The following SLC23A2 variants were observed in gnomAD, a reference collection of about 807,000 sequenced individuals.
SLC23A2 encodes the protein solute carrier family 23 member 2.
SLC23A2 carries 36 observed loss-of-function variants against 73.3 expected under a neutral mutation model. The observed-to-expected ratio is 0.49, with a 90% CI of 0.38 to 0.65. The LOEUF (loss-of-function observed/expected upper bound fraction) is 0.65. SLC23A2 is among the 30% of genes least tolerant of loss of function. The probability of loss-of-function intolerance (pLI) is 0.00; values close to 1 mark genes in which losing one functional copy is unlikely to be tolerated. For synonymous variants in SLC23A2, 343 were observed against 327.3 expected (o/e 1.05, Z -0.52); for missense variants, 507 against 841.6 (o/e 0.60, Z 4.92).
At chr20:4,995,751 G>T (rs6139605) in intron 1 of SLC23A2, among the ~76,000 whole-genome samples, 1 of 152,116 alleles carries the variant, frequency 6.6e-6, no homozygotes, top group Non-Finnish European at 1.5e-5. Context: ...TAAGACCCTA[G>T]GCAAGAAGCT....
rs1265127214 is a variant in SLC23A2 at position 4,882,016 on chromosome 20, T to C, written c.824+1626A>G. The stretch of plus-strand genomic sequence containing the variant: ...ATTTCGCTGAAAGACTATTCTCACA[T>C]GCCATCTTCCCATCTCTGCTGGTGT... On this transcript the variant is annotated intron_variant, in intron 9 of 16. Transcript: ENST00000338244. Among the ~76,000 whole-genome samples the C allele has an allele frequency of 3.3e-5, 5 of 152,200 alleles. No individual in the cohort carries two copies. In the East Asian group the frequency reaches 9.6e-4, roughly 29 times the overall value.
intron 3 of SLC23A2, among the ~76,000 whole-genome samples, chr20:4,928,433 C>T (rs184693990): frequency 3.4e-4 from 52 of 152,224 alleles, no homozygotes; most frequent in African/African-American, 1.2e-3. Context: ...GTTTTGTTTT[C>T]GTGTTTTCCT....
intron 1 of SLC23A2, among the ~76,000 whole-genome samples, chr20:5,006,976 T>TGTGTGTGTGC (rs1282952601): frequency 7.1e-6 from 1 of 139,940 alleles, no homozygotes; most frequent in African/African-American, 2.6e-5. Flanking sequence ...TGTGTGTGTG[T>TGTGTGTGTGC]GCGTGCGTGC....
chr20:4,936,969 G>T (rs575400293), intron 2 of SLC23A2, among the ~76,000 whole-genome samples: 1 of 152,166 alleles, frequency 6.6e-6, no homozygotes, highest in African/African-American at 2.4e-5. Flanking sequence ...GGCTCAGGAA[G>T]AGGGGAGCAC....
chr20:4,862,535 T>C lies in SLC23A2; in HGVS notation c.1486+243A>G, dbSNP rs1930009470. On this transcript the variant is annotated intron_variant, in intron 14 of 16. Transcript: ENST00000338244. This position sits in a 1 kb window ranked among gnomAD's most constrained non-coding sequence, Gnocchi z 5.1. ...GTATTTGAGTTAAATTGGTCAGAAA[T>C]ACTAAAGAGATTAAATTTAATTGAA... Among the ~76,000 whole-genome samples, 1 of 152,190 alleles carries C rather than the reference T, an allele frequency of 6.6e-6. No individual in the cohort carries two copies. Among genetic ancestry groups the C allele is most frequent in the Non-Finnish European group, 1.5e-5 (1 of 68,018 alleles).
intron 6 of SLC23A2, among the ~76,000 whole-genome samples, chr20:4,889,225 C>T (rs544139401): frequency 5.3e-5 from 8 of 152,194 alleles, no homozygotes; most frequent in East Asian, 3.9e-4. Flanking sequence ...AGAAGTGCTT[C>T]GCCACGTGTG....
At position 4,988,093 on chromosome 20, in the gene SLC23A2, G is replaced by A. The variant is rs11908556; in HGVS notation, c.-282+13313C>T. On this transcript the variant is annotated intron_variant, in intron 1 of 16. Coordinates refer to ENST00000338244, the MANE Select transcript of SLC23A2 (RefSeq NM_005116.6). ...GCAGACGGATCACTCAAGGTCAGCA[G>A]TTCAAAACAAGCCTGGCCAACATGG... Among the ~76,000 whole-genome samples, 773 of 151,626 alleles carry A rather than the reference G, an allele frequency of 5.1e-3. 8 individuals carry two copies. The highest frequency in any genetic ancestry group is 0.018 in the African/African-American group (740 of 41,316).
At position 4,892,414 on chromosome 20, in the gene SLC23A2, T is replaced by A. The variant is rs1028630276; in HGVS notation, c.483-6505A>T. Among the ~76,000 whole-genome samples the A allele has an allele frequency of 4.6e-5, 7 of 151,638 alleles. No individual in the cohort carries two copies. In the South Asian group the frequency reaches 8.4e-4, roughly 18 times the overall value. On this transcript the variant is annotated intron_variant, in intron 6 of 16. Transcript: ENST00000338244. ...GTTGGCCAAGCTGATCTCCAACTCCTGACCTCAGGTGATCCGCCCGCCTCA... is the reference window on the plus strand; with the variant it reads ...GTTGGCCAAGCTGATCTCCAACTCCAGACCTCAGGTGATCCGCCCGCCTCA...
At chr20:4,897,319 G>A (rs1024196311) in intron 6 of SLC23A2, among the ~76,000 whole-genome samples, 1 of 152,218 alleles carries the variant, frequency 6.6e-6, no homozygotes, top group African/African-American at 2.4e-5. Context: ...CGTGATTAGA[G>A]TCAGCACCAC....
chr20:4,886,267 A>C (rs997955399), intron 6 of SLC23A2, among the ~76,000 whole-genome samples: 1 of 152,168 alleles, frequency 6.6e-6, no homozygotes, highest in African/African-American at 2.4e-5. Context: ...CTCCTTTTTA[A>C]ACATCAGTGT....
At chr20:4,959,810 G>T (rs908889111) in intron 2 of SLC23A2, among the ~76,000 whole-genome samples, 3 of 152,002 alleles carry the variant, frequency 2.0e-5, no homozygotes, top group Admixed American at 6.6e-5. Flanking sequence ...TAGACACAGG[G>T]TCTCTCTCTG....
At chr20:4,875,088 C>T (rs1197517055) in intron 9 of SLC23A2, among the ~76,000 whole-genome samples, 1 of 152,166 alleles carries the variant, frequency 6.6e-6, no homozygotes, top group Non-Finnish European at 1.5e-5. Context: ...GAATTAACTA[C>T]AAAGCAAACC....
chr20:4,937,088 G>A (rs767477043), intron 2 of SLC23A2, among the ~76,000 whole-genome samples: 8 of 152,110 alleles, frequency 5.3e-5, no homozygotes, highest in East Asian at 1.9e-4. Context: ...TCCACACCCC[G>A]GTGCACAAGG....
At chr20:4,876,953 C>T (rs943218404) in intron 9 of SLC23A2, among the ~76,000 whole-genome samples, 1 of 151,810 alleles carries the variant, frequency 6.6e-6, no homozygotes, top group Non-Finnish European at 1.5e-5. Context: ...GCTTTTCCGC[C>T]TCATCAGACA....
intron 6 of SLC23A2, among the ~76,000 whole-genome samples, chr20:4,896,236 C>T (rs575190622): frequency 2.2e-4 from 33 of 152,176 alleles, no homozygotes; most frequent in Non-Finnish European, 3.8e-4. Flanking sequence ...GCCTCAGACA[C>T]GCAGCCCCCT....
intron 16 of SLC23A2, 109 bp downstream of exon 16, chr20:4,859,180 G>C: frequency 4.2e-6 from 3 of 712,672 alleles, no homozygotes; most frequent in Non-Finnish European, 2.5e-6. Context: ...ACCAGTGATG[G>C]CTTTGAACTC....
chr20:4,907,212 CT>C (rs1184353037), intron 4 of SLC23A2, among the ~76,000 whole-genome samples: 1 of 152,152 alleles, frequency 6.6e-6, no homozygotes, highest in Non-Finnish European at 1.5e-5. Context: ...AGAAGCCAGA[CT>C]TATACCCACA....
chr20:4,981,582 A>C (rs2087726707), intron 1 of SLC23A2, among the ~76,000 whole-genome samples: 1 of 152,154 alleles, frequency 6.6e-6, no homozygotes, highest in Non-Finnish European at 1.5e-5. Context: ...AGGACCACTG[A>C]CATGAAGCAT....
chr20:4,923,454 A>G, intron 3 of SLC23A2, among the ~76,000 whole-genome samples: 1 of 152,344 alleles, frequency 6.6e-6, no homozygotes, highest in Non-Finnish European at 1.5e-5. Context: ...TTCCACTTCA[A>G]GCTGTTAAGG....
Sources: allele counts gnomAD v4.1 joint callset (sites outside exome capture counted in the v4.1 genomes callset), GRCh38; gene constraint gnomAD v4.1.1; non-coding constraint Gnocchi (gnomAD v3.1); transcripts MANE v1.5; gene names NCBI Gene and HGNC (gene_info 2026-07-23, HGNC 2026-07-21).